TENM3: variants seen among roughly 807,000 people sequenced by gnomAD.
The protein encoded by TENM3 is teneurin-3.
In TENM3, 63 loss-of-function variants were observed where a neutral mutation model predicts 255.1. That is an observed-to-expected ratio of 0.25 (90% CI 0.20 to 0.30). The LOEUF (loss-of-function observed/expected upper bound fraction) is 0.30. TENM3 is among the 10% of genes least tolerant of loss of function. The probability of loss-of-function intolerance (pLI) is 1.00; values close to 1 mark genes in which losing one functional copy is unlikely to be tolerated. For synonymous variants in TENM3, 1,306 were observed against 1,322.3 expected (o/e 0.99, Z 0.27); for missense variants, 2,929 against 3,461.1 (o/e 0.85, Z 3.86).
intron 1 of TENM3, among the ~76,000 whole-genome samples, chr4:182,164,719 C>T (rs574293118): frequency 5.5e-4 from 83 of 152,264 alleles, no homozygotes; most frequent in African/African-American, 1.9e-3. Flanking sequence ...TAACTGGTTG[C>T]GTGACATAGC....
At chr4:181,470,844 G>T in the TENM3 span, among the ~76,000 whole-genome samples, 1 of 151,998 alleles carries the variant, frequency 6.6e-6, no homozygotes, top group African/African-American at 2.4e-5. Context: ...ACGACACATT[G>T]TAAGGTGAAA....
the TENM3 span, among the ~76,000 whole-genome samples, chr4:181,802,190 T>G: frequency 6.6e-6 from 1 of 152,310 alleles, no homozygotes; most frequent in African/African-American, 2.4e-5. Flanking sequence ...CCTTTACAAT[T>G]GAGAAGAATA....
the TENM3 span, among the ~76,000 whole-genome samples, chr4:181,664,808 C>G: frequency 2.0e-5 from 3 of 152,196 alleles, no homozygotes; most frequent in Admixed American, 2.0e-4. Context: ...TGACCCCGCT[C>G]TTGCTCTCTG....
chr4:182,779,505 G>A (rs1339492760), intron 24 of TENM3, among the ~76,000 whole-genome samples: 1 of 152,142 alleles, frequency 6.6e-6, no homozygotes, highest in African/African-American at 2.4e-5. Flanking sequence ...TGTGAATAGT[G>A]CTGCAATAAA....
At chr4:182,459,740 C>T (rs1774185620) in intron 3 of TENM3, among the ~76,000 whole-genome samples, 1 of 151,986 alleles carries the variant, frequency 6.6e-6, no homozygotes, top group African/African-American at 2.4e-5. Flanking sequence ...TCAGTATAAA[C>T]ACCCGATTTA....
intron 2 of TENM3, among the ~76,000 whole-genome samples, chr4:182,336,414 G>T (rs1764144603): frequency 6.6e-6 from 1 of 151,916 alleles, no homozygotes; most frequent in South Asian, 2.1e-4. Flanking sequence ...TCATTATAGT[G>T]TGTGAAATAA....
intron 3 of TENM3, among the ~76,000 whole-genome samples, chr4:182,517,345 CTG>C (rs1472767998): frequency 6.9e-6 from 1 of 145,936 alleles, no homozygotes; most frequent in Admixed American, 6.9e-5. Context: ...TTTCTGTAGT[CTG>C]TTATTTGGTT....
the TENM3 span, among the ~76,000 whole-genome samples, chr4:181,466,065 C>T: frequency 2.6e-5 from 4 of 151,696 alleles, no homozygotes; most frequent in East Asian, 1.9e-4. Flanking sequence ...TCCACCTAAA[C>T]GTGGGTGGAT....
At chr4:181,553,621 T>G in the TENM3 span, among the ~76,000 whole-genome samples, 85 of 152,082 alleles carry the variant, frequency 5.6e-4, no homozygotes, top group African/African-American at 1.9e-3. Flanking sequence ...TTTTGTATTT[T>G]TAGTAGAGAC....
chr4:182,127,885 A>G, the TENM3 span, among the ~76,000 whole-genome samples: 2 of 152,196 alleles, frequency 1.3e-5, no homozygotes, highest in Non-Finnish European at 2.9e-5. Context: ...TTCTTTTGCT[A>G]AAGTATATTT....
At chr4:181,681,404 T>C in the TENM3 span, among the ~76,000 whole-genome samples, 1 of 152,126 alleles carries the variant, frequency 6.6e-6, no homozygotes, top group Non-Finnish European at 1.5e-5. Flanking sequence ...TCCCCCCTGT[T>C]CTGAAGGCAT....
chr4:182,628,021 ACT>A (rs1750996988), intron 4 of TENM3, among the ~76,000 whole-genome samples: 1 of 151,748 alleles, frequency 6.6e-6, no homozygotes, highest in African/African-American at 2.4e-5. Flanking sequence ...GCAGGTTCAC[ACT>A]CCTGATTATG....
chr4:181,574,419 T>C, the TENM3 span, among the ~76,000 whole-genome samples: 1 of 151,588 alleles, frequency 6.6e-6, no homozygotes, highest in Non-Finnish European at 1.5e-5. Flanking sequence ...TAGTCCCAGC[T>C]ACTCGGGAGG....
chr4:181,617,674 G>A, the TENM3 span, among the ~76,000 whole-genome samples: 307 of 152,280 alleles, frequency 2.0e-3, no homozygotes, highest in Admixed American at 3.9e-3. Context: ...TGACATAATC[G>A]TCAATGAGCT....
At chr4:182,468,547 C>T (rs1580658227) in intron 3 of TENM3, among the ~76,000 whole-genome samples, 1 of 152,076 alleles carries the variant, frequency 6.6e-6, no homozygotes, top group Admixed American at 6.5e-5. Flanking sequence ...TAAACTAACA[C>T]ATAACATCTG....
At chr4:182,770,377 A>G (rs1199765269) in intron 22 of TENM3, among the ~76,000 whole-genome samples, 9 of 151,990 alleles carry the variant, frequency 5.9e-5, no homozygotes, top group Non-Finnish European at 1.5e-5. Context: ...GAGGAGATCC[A>G]CCCAAGGCTC....
chr4:182,133,915 C>A, the TENM3 span, among the ~76,000 whole-genome samples: 3 of 152,162 alleles, frequency 2.0e-5, no homozygotes, highest in African/African-American at 7.2e-5. Context: ...TAAGAATGTT[C>A]TGGAAGACTT....
the TENM3 span, among the ~76,000 whole-genome samples, chr4:181,880,022 C>T: frequency 3.9e-5 from 6 of 152,074 alleles, no homozygotes; most frequent in Admixed American, 2.0e-4. Flanking sequence ...ATGGGATTTT[C>T]ATTTGCATTG....
intron 3 of TENM3, among the ~76,000 whole-genome samples, chr4:182,496,574 G>C (rs1735793845): frequency 1.3e-5 from 2 of 152,102 alleles, no homozygotes; most frequent in Admixed American, 1.3e-4. Context: ...ATTTCTGCTT[G>C]TTATAGTCAT....
Sources: allele counts gnomAD v4.1 joint callset (sites outside exome capture counted in the v4.1 genomes callset), GRCh38; gene constraint gnomAD v4.1.1; transcripts MANE v1.5; gene names NCBI Gene and HGNC (gene_info 2026-07-23, HGNC 2026-07-21).